The following SDK1 variants were observed in gnomAD, a reference collection of about 807,000 sequenced individuals.
The protein encoded by SDK1 is sidekick cell adhesion molecule 1.
A neutral mutation model predicts 245.5 loss-of-function variants in SDK1; 157 were observed. That is an observed-to-expected ratio of 0.64 (90% CI 0.56 to 0.73). SDK1 has a LOEUF of 0.73. SDK1 is among the 30% of genes least tolerant of loss of function. The pLI is 0.00. For synonymous variants in SDK1, 1,647 were observed against 1,278.5 expected (o/e 1.29, Z -6.15); for missense variants, 3,583 against 3,002.3 (o/e 1.19, Z -4.52).
intron 1 of SDK1, among the ~76,000 whole-genome samples, chr7:3,303,440 G>A (rs998181764): frequency 4.6e-5 from 7 of 152,162 alleles, no homozygotes; most frequent in African/African-American, 1.7e-4. Flanking sequence ...CAGTGGCTTT[G>A]TTTTGAAGTA....
intron 5 of SDK1, among the ~76,000 whole-genome samples, chr7:3,846,977 C>T (rs11976915): frequency 6.6e-6 from 1 of 152,066 alleles, no homozygotes; most frequent in Non-Finnish European, 1.5e-5. Flanking sequence ...CCCTACTGCG[C>T]GGCTGGCTGT....
At chr7:4,254,340 C>T (rs924779571) in intron 44 of SDK1, among the ~76,000 whole-genome samples, 1 of 152,116 alleles carries the variant, frequency 6.6e-6, no homozygotes, top group Non-Finnish European at 1.5e-5. Context: ...ACTGCGTAAT[C>T]TCTATCAATC....
At chr7:3,899,443 TTTTC>T (rs1208417426) in intron 5 of SDK1, among the ~76,000 whole-genome samples, 1 of 152,206 alleles carries the variant, frequency 6.6e-6, no homozygotes, top group Non-Finnish European at 1.5e-5. Context: ...TAATCACTCA[TTTTC>T]TCTCGGCATC....
chr7:3,474,822 T>A (rs868002493), intron 1 of SDK1, among the ~76,000 whole-genome samples: 2 of 152,126 alleles, frequency 1.3e-5, no homozygotes, highest in Non-Finnish European at 2.9e-5. Context: ...TCTTCAATGG[T>A]GGGGACTATA....
chr7:4,031,746 T>A (rs1449540813), intron 17 of SDK1, among the ~76,000 whole-genome samples: 2 of 152,042 alleles, frequency 1.3e-5, no homozygotes, highest in Non-Finnish European at 2.9e-5. Context: ...CTGGACTTAA[T>A]TAGCTTTATA....
chr7:4,162,378 A>G lies in SDK1; in HGVS notation c.4800+522A>G, dbSNP rs992818064. On this transcript the variant is annotated intron_variant, in intron 32 of 44. Transcript: ENST00000404826. The stretch of plus-strand genomic sequence containing the variant: ...GGTGGTTGTTGTTGTTGTTATTATT[A>G]TTATTATTATTATTATTATTATTAT... 5.1e-3 allele frequency among the ~76,000 whole-genome samples: 492 copies of G among 97,024 alleles called. 2 individuals carry two copies. The highest frequency in any genetic ancestry group is 9.4e-3 in the Admixed American group (87 of 9,222). The allele number at this position is 97,024 out of a possible 152,430, so 63.7% of individuals were successfully genotyped here. A position where few individuals can be genotyped will look rare whatever the true frequency, so the allele number is the denominator to read the frequency against.
Position 3,711,524 on chromosome 7 carries a change from T to C in SDK1, c.713+69419T>C, listed in dbSNP as rs112504802. On this transcript the variant is annotated intron_variant, in intron 4 of 44. Transcript: ENST00000404826. ...TGGTGGGTGATCGGGAAGGCTGCTC[T>C]AGGGAGGTGACATTTGCATAGCTTC... Among the ~76,000 whole-genome samples, 1,236 of 152,244 alleles carry C rather than the reference T, an allele frequency of 8.1e-3. 28 individuals carry two copies. Among genetic ancestry groups the C allele is most frequent in the African/African-American group, 0.028 (1,177 of 41,556 alleles).
intron 25 of SDK1, among the ~76,000 whole-genome samples, chr7:4,120,948 A>C (rs1319365041): frequency 6.6e-6 from 1 of 151,968 alleles, no homozygotes; most frequent in African/African-American, 2.4e-5. Flanking sequence ...AAAAAAAGAA[A>C]GAAACCTATG....
intron 4 of SDK1, among the ~76,000 whole-genome samples, chr7:3,660,186 G>C (rs970559099): frequency 6.6e-6 from 1 of 152,032 alleles, no homozygotes; most frequent in African/African-American, 2.4e-5. Flanking sequence ...AAGAAGAGAA[G>C]CAACTGCTGA....
intron 22 of SDK1, among the ~76,000 whole-genome samples, chr7:4,104,012 G>A (rs1584143067): frequency 6.6e-6 from 1 of 152,362 alleles, no homozygotes; most frequent in Middle Eastern, 3.4e-3. Flanking sequence ...ACAGGAAGTG[G>A]GCCAGATTCG....
At chr7:3,872,516 C>T (rs1280220414) in intron 5 of SDK1, among the ~76,000 whole-genome samples, 1 of 147,390 alleles carries the variant, frequency 6.8e-6, no homozygotes, top group Non-Finnish European at 1.5e-5. Context: ...AGCCTTTTTT[C>T]CCAAGGAATT....
chr7:3,789,929 T>G (rs1040461034), intron 4 of SDK1, among the ~76,000 whole-genome samples: 2 of 149,646 alleles, frequency 1.3e-5, no homozygotes, highest in Non-Finnish European at 3.0e-5. Context: ...TGGGGGCGGG[T>G]AGGGGGCAAG....
intron 4 of SDK1, among the ~76,000 whole-genome samples, chr7:3,703,346 G>C (rs1784791674): frequency 6.6e-6 from 1 of 152,056 alleles, no homozygotes; most frequent in African/African-American, 2.4e-5. Context: ...GAATTACACT[G>C]AAAAAAAGCC....
chr7:3,634,958 A>T (rs1281135500), intron 2 of SDK1, among the ~76,000 whole-genome samples: 1 of 152,240 alleles, frequency 6.6e-6, no homozygotes, highest in Non-Finnish European at 1.5e-5. Flanking sequence ...TCATATAAAT[A>T]TGGTTATGTT....
In SDK1 at chr7:4,017,240, C is replaced by G; in HGVS notation, c.2490C>G (p.Cys830Trp). The G allele has an allele frequency of 6.2e-7, 1 of 1,614,086 alleles. No homozygotes were observed. The highest frequency in any genetic ancestry group is 1.1e-5 in the South Asian group (1 of 91,074). ...RNITSPEVNY[C>W]LVTDLIIWTQ... ...TCACCAGCCCGGAGGTGAACTACTG[C>G]CTGGTGACAGACCTGATCATCTGGA... Residue 830 changes from cysteine to tryptophan, a missense_variant, in exon 17 of 45, where the codon TGC (cysteine) becomes TGG (tryptophan). Transcript: ENST00000404826.
chr7:3,734,680 T>C (rs1161201873), intron 4 of SDK1, among the ~76,000 whole-genome samples: 2 of 152,242 alleles, frequency 1.3e-5, no homozygotes, highest in African/African-American at 4.8e-5. Flanking sequence ...GGAGGAAGGC[T>C]GCAGGCCAAA....
intron 4 of SDK1, among the ~76,000 whole-genome samples, chr7:3,793,114 G>C (rs1467634023): frequency 3.3e-5 from 5 of 152,104 alleles, no homozygotes; most frequent in Non-Finnish European, 2.9e-5. Flanking sequence ...AGAGTGATGT[G>C]CTGTTATGAA....
In SDK1 at chr7:4,252,882, G is replaced by T. The variant is rs574446472; in HGVS notation, c.6381+7077G>T. ...TGTCACTCATTTGTGTCTTTCTAAGGATTTTTAATGCTACCTCATTAATCT... is the reference window on the plus strand; with the variant it reads ...TGTCACTCATTTGTGTCTTTCTAAGTATTTTTAATGCTACCTCATTAATCT... On this transcript the variant is annotated intron_variant, in intron 44 of 44. Transcript: ENST00000404826. Among the ~76,000 whole-genome samples, 5 of 149,460 alleles carry T rather than the reference G, an allele frequency of 3.3e-5. No individual in the cohort carries two copies. The East Asian group carries it at 1.0e-3, about 30-fold the overall frequency.
At chr7:3,482,377 T>C (rs1426633627) in intron 1 of SDK1, among the ~76,000 whole-genome samples, 1 of 152,144 alleles carries the variant, frequency 6.6e-6, no homozygotes, top group Non-Finnish European at 1.5e-5. Flanking sequence ...GCCGGGAGTG[T>C]CTGCTTTGAT....
Sources: allele counts gnomAD v4.1 joint callset (sites outside exome capture counted in the v4.1 genomes callset), GRCh38; gene constraint gnomAD v4.1.1; transcripts MANE v1.5; gene names NCBI Gene and HGNC (gene_info 2026-07-23, HGNC 2026-07-21).